The following RPS6KA5 variants were observed in gnomAD, a reference collection of about 807,000 sequenced individuals.
RPS6KA5 encodes the protein ribosomal protein S6 kinase A5, also known as ribosomal protein S6 kinase alpha-5.
RPS6KA5 carries 27 observed loss-of-function variants against 85.5 expected under a neutral mutation model. The ratio of observed to expected loss-of-function variants is 0.32; its 90% confidence interval spans 0.23 to 0.44. The LOEUF (loss-of-function observed/expected upper bound fraction) is 0.44, where lower values mean the gene tolerates loss of function less well. RPS6KA5 is among the 20% of genes least tolerant of loss of function. The pLI is 1.00. For synonymous variants in RPS6KA5, 334 were observed against 348.2 expected (o/e 0.96, Z 0.46); for missense variants, 811 against 980.9 (o/e 0.83, Z 2.31).
In RPS6KA5 at chr14:90,958,192, T is replaced by G. The variant is rs916655918; in HGVS notation, c.395-10642A>C. ...GAATAAAGAATTAGATGGGGCTATTTGAGTTCCTTTATATTTGCATAGGAA... is the reference window on the plus strand; with the variant it reads ...GAATAAAGAATTAGATGGGGCTATTGGAGTTCCTTTATATTTGCATAGGAA... On this transcript the variant is annotated intron_variant, in intron 3 of 16. Transcript: ENST00000614987. 6.6e-5 allele frequency among the ~76,000 whole-genome samples: 10 copies of G among 152,224 alleles called. No individual in the cohort carries two copies. In the East Asian group the frequency reaches 1.9e-3, roughly 29 times the overall value.
intron 1 of RPS6KA5, among the ~76,000 whole-genome samples, chr14:91,010,036 ATT>A (rs56229173): frequency 3.5e-4 from 50 of 143,432 alleles, no homozygotes; most frequent in African/African-American, 1.1e-3. Flanking sequence ...GTCAACAGCG[ATT>A]TTTTTTTTTT....
chr14:91,023,488 C>T (rs1196699511), intron 1 of RPS6KA5, among the ~76,000 whole-genome samples: 1 of 151,886 alleles, frequency 6.6e-6, no homozygotes, highest in Non-Finnish European at 1.5e-5. Flanking sequence ...GGTTTCACCA[C>T]GTTGGCCAGG....
At chr14:90,881,902 CAT>C (rs2033867578) in intron 14 of RPS6KA5, among the ~76,000 whole-genome samples, 1 of 152,206 alleles carries the variant, frequency 6.6e-6, no homozygotes. Context: ...TTGCAGACAG[CAT>C]ATAGTTAATC....
chr14:90,947,929 AAC>A (rs1379083986), intron 3 of RPS6KA5, among the ~76,000 whole-genome samples: 1 of 152,194 alleles, frequency 6.6e-6, no homozygotes, highest in Admixed American at 6.5e-5. Flanking sequence ...ACCAAAACAA[AAC>A]ACAAAGTCCC....
chr14:90,983,843 C>CTT (rs59531773), intron 2 of RPS6KA5, among the ~76,000 whole-genome samples: 1 of 124,220 alleles, frequency 8.1e-6, no homozygotes, highest in African/African-American at 3.2e-5. Context: ...CTCTCTCTTT[C>CTT]TTTTTTTCTT....
intron 14 of RPS6KA5, among the ~76,000 whole-genome samples, chr14:90,889,002 T>G (rs2034395714): frequency 6.6e-6 from 1 of 152,010 alleles, no homozygotes; most frequent in Non-Finnish European, 1.5e-5. Context: ...AAAGAGCAAT[T>G]CATAAAAGAG....
At chr14:91,029,124 A>T (rs2042091354) in intron 1 of RPS6KA5, among the ~76,000 whole-genome samples, 1 of 152,236 alleles carries the variant, frequency 6.6e-6, no homozygotes, top group Non-Finnish European at 1.5e-5. Context: ...GGACATCCAT[A>T]AAGACAACGA....
rs891457146 is a variant in RPS6KA5, at chr14:90,849,621, T to C, written c.*22453A>G. 4 of 152,022 alleles carry C rather than the reference T, an allele frequency of 2.6e-5. No individual in the cohort carries two copies. The highest frequency in any genetic ancestry group is 9.7e-5 in the African/African-American group (4 of 41,276). 9.4% of individuals were successfully genotyped at this position (152,022 alleles called of 1,614,324 possible). A position where few individuals can be genotyped will look rare whatever the true frequency, so the allele number is the denominator to read the frequency against. On this transcript the variant is annotated 3_prime_UTR_variant, in exon 17 of 17. Coordinates refer to ENST00000614987, the MANE Select transcript of RPS6KA5 (RefSeq NM_004755.4). Reference sequence around the variant, plus strand: ...TAGGTGGGAGAAAGAAGGAATACCATGGAGGTGTGTGTGGATGTGTACGCA... The same window carrying C: ...TAGGTGGGAGAAAGAAGGAATACCACGGAGGTGTGTGTGGATGTGTACGCA...
At chr14:90,964,248 C>A (rs1472123749) in intron 3 of RPS6KA5, among the ~76,000 whole-genome samples, 1 of 152,118 alleles carries the variant, frequency 6.6e-6, no homozygotes, top group South Asian at 2.1e-4. Flanking sequence ...CTGCACATAC[C>A]GGCTATGTAG....
intron 1 of RPS6KA5, among the ~76,000 whole-genome samples, chr14:91,036,023 G>A (rs2042395921): frequency 6.8e-6 from 1 of 146,512 alleles, no homozygotes. Context: ...AAACAAAAAA[G>A]AAAGAAACGA....
At chr14:90,919,661 G>A (rs1566740802) in intron 7 of RPS6KA5, among the ~76,000 whole-genome samples, 1 of 152,078 alleles carries the variant, frequency 6.6e-6, no homozygotes, top group Non-Finnish European at 1.5e-5. Flanking sequence ...ACAATCTAGT[G>A]TGACAGATAG....
chr14:91,005,518 G>C (rs991889859), intron 1 of RPS6KA5, among the ~76,000 whole-genome samples: 15 of 152,160 alleles, frequency 9.9e-5, no homozygotes, highest in Admixed American at 9.2e-4. Context: ...TTTAGGCATG[G>C]GGGAGTATTT....
intron 5 of RPS6KA5, among the ~76,000 whole-genome samples, chr14:90,930,237 T>C (rs912154523): frequency 5.3e-5 from 8 of 152,204 alleles, no homozygotes; most frequent in Non-Finnish European, 1.0e-4. Flanking sequence ...TGGAATTCAA[T>C]GAAGAGCCTA....
At chr14:90,997,678 T>C (rs1023369219) in intron 2 of RPS6KA5, among the ~76,000 whole-genome samples, 1 of 151,976 alleles carries the variant, frequency 6.6e-6, no homozygotes, top group African/African-American at 2.4e-5. Context: ...AGAAACAAAA[T>C]GTGGTATATC....
In RPS6KA5 at chr14:90,947,468, T is replaced by C; in HGVS notation, c.477A>G (p.Gly159=). The change falls in exon 4 of 17, where the codon GGA becomes GGG. Residue 159 remains glycine (G), a synonymous_variant. Transcript: ENST00000614987. ...FTEHEVQIYV[G]EIVLALEHLH... is the part of the protein sequence containing the mutation. ...GATGTTCGAGGGCAAGCACAATCTC[T>C]CCAACATAAATCTGCACCTCATGCT... is the stretch of plus-strand genomic sequence containing the variant. 6.2e-7 allele frequency: 1 copy of C among 1,611,986 alleles called. No homozygotes were observed.
rs2031894802 is a variant in RPS6KA5 at position 90,849,738 on chromosome 14, T to C, written c.*22336A>G. On this transcript the variant is annotated 3_prime_UTR_variant, in exon 17 of 17. Transcript: ENST00000614987. The stretch of plus-strand genomic sequence containing the variant: ...AAGGGATTTACTTTATTGATGCTAA[T>C]GTAGGGGTCAGCTAACAGTAACAAG... 1 of 152,188 alleles carries C rather than the reference T, an allele frequency of 6.6e-6. No homozygotes were observed. Among genetic ancestry groups the C allele is most frequent in the Admixed American group, 6.5e-5 (1 of 15,272 alleles). 9.4% of individuals were successfully genotyped at this position (152,188 alleles called of 1,614,324 possible).
chr14:90,883,846 G>A (rs1488041198), intron 14 of RPS6KA5, among the ~76,000 whole-genome samples: 1 of 152,120 alleles, frequency 6.6e-6, no homozygotes, highest in Non-Finnish European at 1.5e-5. Flanking sequence ...TCTCTGTGCC[G>A]AGGATCAGCA....
intron 3 of RPS6KA5, among the ~76,000 whole-genome samples, chr14:90,974,082 A>G (rs1595375563): frequency 6.6e-6 from 1 of 151,460 alleles, no homozygotes; most frequent in African/African-American, 2.4e-5. Context: ...ACCACACAGA[A>G]TATTTTCACT....
intron 10 of RPS6KA5, 52 bp from the exon 11 acceptor site, chr14:90,900,293 A>G: frequency 1.5e-6 from 2 of 1,336,786 alleles, no homozygotes; most frequent in Non-Finnish European, 2.0e-6. Flanking sequence ...TAATACACAA[A>G]GGATCAATAA....
Sources: gnomAD v4.1 joint callset for allele counts (sites outside exome capture counted in the v4.1 genomes callset) on GRCh38, gnomAD v4.1.1 for gene constraint, MANE v1.5 for transcripts, NCBI Gene and HGNC (gene_info 2026-07-23, HGNC 2026-07-21) for gene names.